The following LMAN2 variants were observed in gnomAD, a reference collection of about 807,000 sequenced individuals.
LMAN2 encodes the protein vesicular integral-membrane protein VIP36.
In LMAN2, 22 loss-of-function variants were observed where a neutral mutation model predicts 39.3. That is an observed-to-expected ratio of 0.56 (90% CI 0.40 to 0.80). The LOEUF is 0.80. Among genes scored for constraint, LMAN2 ranks in the 30% least tolerant of loss-of-function variants. The pLI, the probability that LMAN2 is intolerant of heterozygous loss-of-function variation, is 0.00. For missense variants in LMAN2, 494 were observed against 505.4 expected, an observed-to-expected ratio of 0.98 and a Z score of 0.22; for synonymous variants, 207 against 207.8, an observed-to-expected ratio of 1.00 and a Z score of 0.03.
At chr5:177,348,543 C>T (rs1761671173) in intron 2 of LMAN2, among the ~76,000 whole-genome samples, 1 of 151,950 alleles carries the variant, frequency 6.6e-6, no homozygotes, top group South Asian at 2.1e-4. Context: ...AAAAAATTAG[C>T]TGGACATGGC....
rs918071574 is a variant in LMAN2, at chr5:177,334,523, G to C, written c.791-120C>G. 7 of 1,393,564 alleles carry C rather than the reference G, an allele frequency of 5.0e-6. No homozygotes were observed. The Admixed American group carries it at 1.8e-4, about 35-fold the overall frequency. The allele number at this position is 1,393,564 out of a possible 1,614,324, so 86.3% of individuals were successfully genotyped here. A position where few individuals can be genotyped will look rare whatever the true frequency, so the allele number is the denominator to read the frequency against. On this transcript the variant is annotated intron_variant, in intron 6 of 7. Transcript: ENST00000303127. ...AGTAAACCTGCCAGGCCCCTGGGGA[G>C]AGCACTGCCCAGCCGGCTAGGGCCT...
chr5:177,344,055 TAA>T (rs898636232), intron 2 of LMAN2, among the ~76,000 whole-genome samples: 1 of 141,122 alleles, frequency 7.1e-6, no homozygotes. Flanking sequence ...TACAAAAAAT[TAA>T]AAAAAAAAAA....
intron 2 of LMAN2, among the ~76,000 whole-genome samples, chr5:177,345,608 C>A (rs1422985870): frequency 2.0e-5 from 3 of 152,052 alleles, no homozygotes; most frequent in African/African-American, 7.2e-5. Context: ...CAAGCTTCTG[C>A]TCCTTCAGGA....
intron 2 of LMAN2, among the ~76,000 whole-genome samples, chr5:177,343,058 C>T (rs1761580989): frequency 6.6e-6 from 1 of 152,030 alleles, no homozygotes; most frequent in South Asian, 2.1e-4. Context: ...TGGAGACCGT[C>T]CTGGCTAACA....
chr5:177,336,465 G>A lies in LMAN2; in HGVS notation c.790+671C>T, dbSNP rs1359619837. ...TCACGAGAGACTGTTGGGGGCTGGT[G>A]AAGGAGGGGACCACTTGGGAGACTC... On this transcript the variant is annotated intron_variant, in intron 6 of 7. Coordinates refer to ENST00000303127, the MANE Select transcript of LMAN2 (RefSeq NM_006816.3). Among the ~76,000 whole-genome samples, 3 of 152,218 alleles carry A rather than the reference G, an allele frequency of 2.0e-5. 1 individual carries two copies. Among genetic ancestry groups the A allele is most frequent in the African/African-American group, 7.2e-5 (3 of 41,448 alleles).
rs1761382277 is a variant in LMAN2, at chr5:177,331,587, AGCAAACGGTCACACTC to A, written c.*483_*498del. The A allele has an allele frequency of 6.5e-6, 1 of 153,584 alleles. No individual in the cohort carries two copies. The highest frequency in any genetic ancestry group is 2.4e-5 in the African/African-American group (1 of 41,486). 9.5% of individuals were successfully genotyped at this position (153,584 alleles called of 1,614,324 possible). On this transcript the variant is annotated 3_prime_UTR_variant, in exon 8 of 8. Transcript: ENST00000303127. Reference sequence around the variant, plus strand: ...TGAGGTTGGGTATTTCACTTTATTTAGCAAACGGTCACACTCGGCCCCACCACACCGCGCCTGCAGC... The same window carrying A: ...TGAGGTTGGGTATTTCACTTTATTTAGGCCCCACCACACCGCGCCTGCAGC...
chr5:177,339,156 G>A (rs944462445), intron 2 of LMAN2, among the ~76,000 whole-genome samples: 4 of 152,114 alleles, frequency 2.6e-5, no homozygotes, highest in African/African-American at 7.2e-5. Flanking sequence ...TTCTGACTCC[G>A]AGAGCTCTGC....
In LMAN2 at chr5:177,337,516, G is replaced by GA. The variant is rs761750220; in HGVS notation, c.521dup (p.Tyr176ValfsTer30). ...TGTTCACCATCACCGAGATGTACGG[G>GA]AACACGCGCTGGGACCAAGACATCG... On this transcript the variant is annotated frameshift_variant, in exon 5 of 8. Transcript: ENST00000303127. LOFTEE classifies it high-confidence loss of function. This position sits in a 1 kb window ranked among gnomAD's most constrained non-coding sequence, Gnocchi z 8.2. 1.2e-5 allele frequency: 20 copies of GA among 1,613,990 alleles called. No homozygotes were observed. Among genetic ancestry groups the GA allele is most frequent in the Non-Finnish European group, 1.6e-5 (19 of 1,179,926 alleles).
Position 177,337,230 on chromosome 5 carries a change from G to C in LMAN2, c.696C>G (p.Asp232Glu). The change falls in exon 6 of 8, where the codon GAC (aspartate) becomes GAG (glutamate). Residue 232 changes from aspartate to glutamate, a missense_variant. Transcript: ENST00000303127. The surrounding 1 kb of genome is among the most constrained non-coding windows in gnomAD (Gnocchi z 8.2). ...GRLTVMTDLE[D>E]KNEWKNCIDI... ...CAATGCAGTTCTTCCACTCGTTCTT[G>C]TCCTCCAGGTCGGTCATCACCTGCA... The C allele has an allele frequency of 2.5e-6, 4 of 1,614,036 alleles. No homozygotes were observed. Among genetic ancestry groups the C allele is most frequent in the Non-Finnish European group, 3.4e-6 (4 of 1,179,952 alleles).
chr5:177,347,845 C>T (rs371272439), intron 2 of LMAN2, among the ~76,000 whole-genome samples: 5 of 152,180 alleles, frequency 3.3e-5, no homozygotes, highest in African/African-American at 1.2e-4. Context: ...GTGCCAGGCA[C>T]AGTGGTGGTG....
chr5:177,338,409 C>T (rs934124357), intron 3 of LMAN2, 79 bp downstream of exon 3: 1 of 1,182,966 alleles, frequency 8.5e-7, no homozygotes, highest in Non-Finnish European at 1.3e-6. Context: ...ACAGGCAGCC[C>T]CACCCCACCT....
In LMAN2 at chr5:177,337,770, C is replaced by A; in HGVS notation, c.449G>T (p.Ser150Ile). 6.2e-7 allele frequency: 1 copy of A among 1,613,830 alleles called. No homozygotes were observed. Among genetic ancestry groups the A allele is most frequent in the African/African-American group, 1.3e-5 (1 of 74,978 alleles). ...DRLVPGPVFG[S>I]KDNFHGLAIF... ...GGCTAAGCCGTGGAAGTTATCTTTGCTTCCAAACACAGGCCCTAGAATTAT... is the reference window on the plus strand; with the variant it reads ...GGCTAAGCCGTGGAAGTTATCTTTGATTCCAAACACAGGCCCTAGAATTAT... The change falls in exon 4 of 8, where the codon AGC becomes ATC. Residue 150 changes from serine to isoleucine, a missense_variant. By Grantham distance (142) the Ser-to-Ile change is moderately radical (BLOSUM62 -2). Transcript: ENST00000303127. This position sits in a 1 kb window ranked among gnomAD's most constrained non-coding sequence, Gnocchi z 8.2.
intron 2 of LMAN2, among the ~76,000 whole-genome samples, chr5:177,347,665 G>T (rs1761655048): frequency 6.6e-6 from 1 of 152,144 alleles, no homozygotes; most frequent in Non-Finnish European, 1.5e-5. Flanking sequence ...CTATTTTACA[G>T]TTCAGCAGTT....
At chr5:177,345,297 C>T (rs1486994454) in intron 2 of LMAN2, among the ~76,000 whole-genome samples, 1 of 135,502 alleles carries the variant, frequency 7.4e-6, no homozygotes, top group Non-Finnish European at 1.5e-5. Flanking sequence ...GCCGTGATTA[C>T]ACCATTGCAT....
At chr5:177,336,713 C>G (rs1297109389) in intron 6 of LMAN2, among the ~76,000 whole-genome samples, 1 of 152,218 alleles carries the variant, frequency 6.6e-6, no homozygotes, top group East Asian at 1.9e-4. Flanking sequence ...AAGGGCTGAG[C>G]AGGTCCAGAG....
In LMAN2 at chr5:177,351,528, C is replaced by A. The variant is rs773683887; in HGVS notation, c.120G>T (p.Gly40=). 1 of 1,614,136 alleles carries A rather than the reference C, an allele frequency of 6.2e-7. No individual in the cohort carries two copies. Among genetic ancestry groups the A allele is most frequent in the Non-Finnish European group, 8.5e-7 (1 of 1,180,048 alleles). The change falls in exon 1 of 8, where the codon GGG becomes GGT. Residue 40 remains glycine, a synonymous_variant. Transcript: ENST00000303127. Reference sequence around the variant, plus strand: ...CGTCAGTTATATCCGCAGTCACAGACCCCAACAACAAAAGAAGAAAGAGAG... The same window carrying A: ...CGTCAGTTATATCCGCAGTCACAGAACCCAACAACAAAAGAAGAAAGAGAG... ...TTPLFLLLLL[G]SVTADITDGN...
chr5:177,335,425 T>C (rs961353652), intron 6 of LMAN2, among the ~76,000 whole-genome samples: 2 of 152,248 alleles, frequency 1.3e-5, no homozygotes, highest in African/African-American at 2.4e-5. Flanking sequence ...CTGGCACTGA[T>C]GACCCCTGAC....
chr5:177,349,815 G>A (rs1034830593), intron 2 of LMAN2, among the ~76,000 whole-genome samples: 1 of 152,170 alleles, frequency 6.6e-6, no homozygotes. Context: ...AATGTGACTC[G>A]GGGGAGATAG....
chr5:177,346,854 G>A (rs572777330), intron 2 of LMAN2, among the ~76,000 whole-genome samples: 8 of 152,132 alleles, frequency 5.3e-5, no homozygotes, highest in African/African-American at 1.9e-4. Flanking sequence ...AAAGCAAGCA[G>A]ACAAAAACAT....
Sources: allele counts gnomAD v4.1 joint callset (sites outside exome capture counted in the v4.1 genomes callset), GRCh38; gene constraint gnomAD v4.1.1; non-coding constraint Gnocchi (gnomAD v3.1); transcripts MANE v1.5; gene names NCBI Gene and HGNC (gene_info 2026-07-23, HGNC 2026-07-21).